NRXN3: variants seen among roughly 807,000 people sequenced by gnomAD.
NRXN3 encodes the protein neurexin III.
In NRXN3, 32 loss-of-function variants were observed where a neutral mutation model predicts 137.6. The observed-to-expected ratio is 0.23, with a 90% CI of 0.18 to 0.31. The LOEUF is 0.31. Among genes scored for constraint, NRXN3 ranks in the 10% least tolerant of loss-of-function variants. NRXN3 has a pLI of 1.00. For missense variants in NRXN3, 1,574 were observed against 2,062.5 expected (o/e 0.76, Z 4.59); for synonymous variants, 798 against 784.5 (o/e 1.02, Z -0.29).
intron 15 of NRXN3, among the ~76,000 whole-genome samples, chr14:79,172,891 A>G (rs1009999308): frequency 6.6e-6 from 1 of 152,236 alleles, no homozygotes; most frequent in Non-Finnish European, 1.5e-5. Context: ...ATTAAAGGAC[A>G]AGAATTGTAG....
chr14:79,810,843 A>C (rs1227097254), intron 20 of NRXN3, among the ~76,000 whole-genome samples: 1 of 152,192 alleles, frequency 6.6e-6, no homozygotes, highest in Admixed American at 6.5e-5. Flanking sequence ...GATAATAATA[A>C]TTTTCCAGTG....
intron 9 of NRXN3, among the ~76,000 whole-genome samples, chr14:78,808,250 G>T (rs1039138641): frequency 6.6e-6 from 1 of 152,138 alleles, no homozygotes; most frequent in Non-Finnish European, 1.5e-5. Flanking sequence ...TTTAAAGACC[G>T]CATCCACTTT....
chr14:78,221,297 A>G (rs1390274050), intron 1 of NRXN3, among the ~76,000 whole-genome samples: 1 of 152,154 alleles, frequency 6.6e-6, no homozygotes, highest in African/African-American at 2.4e-5. Context: ...GGAGATAGAA[A>G]TAAGATTTTC....
chr14:78,666,491 G>A (rs723851), intron 6 of NRXN3, among the ~76,000 whole-genome samples: 37,402 of 152,098 alleles, frequency 0.25, 4,891 homozygotes, highest in East Asian at 0.4. Flanking sequence ...AGAATGGGGC[G>A]TGGTTATGTA....
intron 15 of NRXN3, among the ~76,000 whole-genome samples, chr14:79,292,267 GTTACATCT>G (rs1456753401): frequency 6.6e-6 from 1 of 152,202 alleles, no homozygotes; most frequent in Non-Finnish European, 1.5e-5. Context: ...GCAATGAATA[GTTACATCT>G]TTACATCTTC....
At chr14:79,793,082 T>C in intron 19 of NRXN3, among the ~76,000 whole-genome samples, 1 of 152,070 alleles carries the variant, frequency 6.6e-6, no homozygotes, top group East Asian at 1.9e-4. Flanking sequence ...GCCACACCAA[T>C]ACAGGAATAC....
chr14:79,075,732 C>T (rs79867461), intron 15 of NRXN3, among the ~76,000 whole-genome samples: 2,422 of 152,258 alleles, frequency 0.016, 55 homozygotes, highest in African/African-American at 0.055. Context: ...AGATTTACTT[C>T]CAAGCAGGAC....
At chr14:79,484,338 G>A (rs1389846424) in intron 16 of NRXN3, among the ~76,000 whole-genome samples, 1 of 152,132 alleles carries the variant, frequency 6.6e-6, no homozygotes, top group Non-Finnish European at 1.5e-5. Flanking sequence ...AGTACAGGGT[G>A]CTTCTTGCCT....
chr14:78,995,218 A>C (rs1414845823), intron 15 of NRXN3, among the ~76,000 whole-genome samples: 2 of 152,208 alleles, frequency 1.3e-5, no homozygotes, highest in East Asian at 1.9e-4. Flanking sequence ...GGAATTCAGA[A>C]CATTTCAGGT....
At chr14:79,626,596 A>T (rs572091480) in intron 16 of NRXN3, among the ~76,000 whole-genome samples, 1 of 152,170 alleles carries the variant, frequency 6.6e-6, no homozygotes, top group African/African-American at 2.4e-5. Flanking sequence ...AGGTTGTAAA[A>T]TTTTCAGTGT....
chr14:79,470,651 A>G (rs2096487890), intron 16 of NRXN3, among the ~76,000 whole-genome samples: 1 of 152,198 alleles, frequency 6.6e-6, no homozygotes, highest in Non-Finnish European at 1.5e-5. Context: ...TTCCAGGGAT[A>G]AGGGAAGAGG....
intron 15 of NRXN3, among the ~76,000 whole-genome samples, chr14:79,084,883 T>A (rs1716157253): frequency 6.6e-6 from 1 of 152,184 alleles, no homozygotes; most frequent in Non-Finnish European, 1.5e-5. Context: ...TAAATGGGGT[T>A]GATAGTGACA....
intron 15 of NRXN3, among the ~76,000 whole-genome samples, chr14:79,366,848 A>G (rs1324787502): frequency 1.3e-5 from 2 of 152,180 alleles, no homozygotes; most frequent in Admixed American, 1.3e-4. Context: ...AGTCACATGG[A>G]TAATTTTAAC....
chr14:79,237,872 T>C (rs888165298), intron 15 of NRXN3, among the ~76,000 whole-genome samples: 2 of 152,164 alleles, frequency 1.3e-5, no homozygotes, highest in African/African-American at 4.8e-5. Context: ...GAGCATTAGT[T>C]ATCTGTGAAA....
At chr14:78,846,279 T>C (rs72685459) in intron 10 of NRXN3, among the ~76,000 whole-genome samples, 4,731 of 152,194 alleles carry the variant, frequency 0.031, 115 homozygotes, top group Non-Finnish European at 0.047. Context: ...CCACAGTAAT[T>C]GAGAATGACA....
chr14:79,612,294 T>G (rs1260264034), intron 16 of NRXN3, among the ~76,000 whole-genome samples: 2 of 152,158 alleles, frequency 1.3e-5, no homozygotes, highest in African/African-American at 4.8e-5. Flanking sequence ...ACCAGGGTAT[T>G]GAATAGTACA....
In NRXN3 at chr14:79,336,440, G is replaced by T. The variant is rs565010467; in HGVS notation, c.3263-130781G>T. Among the ~76,000 whole-genome samples the T allele has an allele frequency of 5.9e-5, 9 of 152,310 alleles. No individual in the cohort carries two copies. In the South Asian group the frequency reaches 1.2e-3, roughly 21 times the overall value. ...TATCAAGCATACTTTGGTGTCCACA[G>T]TTGGAGCTCTTTACAGATCTGGTGT... On this transcript the variant is annotated intron_variant, in intron 15 of 20. Coordinates refer to ENST00000335750, the MANE Select transcript of NRXN3 (RefSeq NM_001330195.2).
At chr14:78,318,584 A>G (rs2153555853) in intron 4 of NRXN3, among the ~76,000 whole-genome samples, 1 of 152,178 alleles carries the variant, frequency 6.6e-6, no homozygotes, top group East Asian at 1.9e-4. Flanking sequence ...CTAATTTCCA[A>G]CCACACATTT....
intron 16 of NRXN3, among the ~76,000 whole-genome samples, chr14:79,576,915 T>C (rs905010461): frequency 7.2e-5 from 11 of 152,192 alleles, no homozygotes; most frequent in Non-Finnish European, 4.4e-5. Flanking sequence ...CCTTCTGTTA[T>C]AATAAAAGTC....
Sources: gnomAD v4.1 joint callset for allele counts (sites outside exome capture counted in the v4.1 genomes callset) on GRCh38, gnomAD v4.1.1 for gene constraint, MANE v1.5 for transcripts, NCBI Gene and HGNC (gene_info 2026-07-23, HGNC 2026-07-21) for gene names.